The following RGS3 variants were observed in gnomAD, a reference collection of about 807,000 sequenced individuals.
RGS3 encodes regulator of G-protein signalling 3.
In RGS3, 80 loss-of-function variants were observed where a neutral mutation model predicts 132.6. The ratio of observed to expected loss-of-function variants is 0.60; its 90% CI spans 0.50 to 0.73. The LOEUF is 0.73. Among genes scored for constraint, RGS3 ranks in the 30% least tolerant of loss-of-function variants. The pLI is 0.00. For synonymous variants in RGS3, 598 were observed against 620.6 expected (o/e 0.96, Z 0.54); for missense variants, 1,382 against 1,530.8 (o/e 0.90, Z 1.62).
At chr9:113,501,508 G>A (rs1038408291) in intron 10 of RGS3, 1 of 1,531,960 alleles carries the variant, frequency 6.5e-7, no homozygotes, top group Non-Finnish European at 8.7e-7. Flanking sequence ...GACGGGTCCA[G>A]TGCGGGCTCC....
At position 113,591,720 on chromosome 9, in the gene RGS3, C is replaced by T. The variant is rs1297083114; in HGVS notation, c.3080+323C>T. The T allele has an allele frequency of 3.2e-6, 1 of 314,200 alleles. No individual in the cohort carries two copies. The highest frequency in any genetic ancestry group is 2.1e-5 in the African/African-American group (1 of 47,976). The allele number at this position is 314,200 out of a possible 1,614,324, so 19.5% of individuals were successfully genotyped here. ...CAGGGACCAAGTGACTTCAACAACT[C>T]CTTTGCTCCCTCTGGGCCCAAGAGT... On this transcript the variant is annotated intron_variant, in intron 21 of 24. Transcript: ENST00000350696. The surrounding 1 kb of genome is among the most constrained non-coding windows in gnomAD (Gnocchi z 4.4).
At chr9:113,481,554 C>T (rs373550786) in intron 4 of RGS3, among the ~76,000 whole-genome samples, 5 of 152,222 alleles carry the variant, frequency 3.3e-5, no homozygotes, top group African/African-American at 1.2e-4. Context: ...GGGCCTGACT[C>T]CAGCTGTGCA....
At chr9:113,499,439 T>C (rs1000398504) in intron 10 of RGS3, among the ~76,000 whole-genome samples, 3 of 152,254 alleles carry the variant, frequency 2.0e-5, no homozygotes, top group Admixed American at 6.5e-5. Flanking sequence ...GAGTGAGGGC[T>C]GGCCACCTTT....
exon 23 of RGS3, chr9:113,594,972 T>G: frequency 6.2e-7 from 1 of 1,614,114 alleles, no homozygotes; most frequent in Non-Finnish European, 8.5e-7. Context: ...AAGCTGCTGG[T>G]TCACAAATGT....
intron 10 of RGS3, among the ~76,000 whole-genome samples, chr9:113,499,460 G>A (rs186333022): frequency 6.6e-6 from 1 of 152,342 alleles, no homozygotes; most frequent in Non-Finnish European, 1.5e-5. Context: ...TCAGTGTGCT[G>A]TGGCACACTG....
chr9:113,508,910 T>C (rs911000589), intron 14 of RGS3, among the ~76,000 whole-genome samples: 1 of 152,130 alleles, frequency 6.6e-6, no homozygotes, highest in Non-Finnish European at 1.5e-5. Flanking sequence ...GGCAATGTGG[T>C]TGGGCTTGCA....
chr9:113,558,731 A>T (rs1833669161), intron 19 of RGS3, among the ~76,000 whole-genome samples: 2 of 152,184 alleles, frequency 1.3e-5, no homozygotes, highest in African/African-American at 4.8e-5. Context: ...ACTGCATGTG[A>T]TTTATTATGC....
At chr9:113,595,277 G>A (rs1223908311) in intron 23 of RGS3, among the ~76,000 whole-genome samples, 2 of 152,210 alleles carry the variant, frequency 1.3e-5, no homozygotes, top group Non-Finnish European at 2.9e-5. Flanking sequence ...ACGTACTGAG[G>A]GCTTTCACGG....
chr9:113,517,197 G>T, intron 15 of RGS3: 2 of 494,950 alleles, frequency 4.0e-6, no homozygotes, highest in Non-Finnish European at 7.9e-6. Flanking sequence ...GATGGCGGGG[G>T]CTGGGAGGGC....
chr9:113,529,859 G>T (rs1351360059), intron 18 of RGS3, among the ~76,000 whole-genome samples: 1 of 152,222 alleles, frequency 6.6e-6, no homozygotes, highest in Non-Finnish European at 1.5e-5. Context: ...AGGCAGTGCT[G>T]TGCCTTTGCT....
At chr9:113,583,204 T>C in intron 19 of RGS3, 3 of 640,744 alleles carry the variant, frequency 4.7e-6, no homozygotes, top group East Asian at 3.0e-5. Flanking sequence ...TGGTTATCTC[T>C]CCCTCTTCTC....
At chr9:113,558,822 C>G (rs1399049573) in intron 19 of RGS3, among the ~76,000 whole-genome samples, 1 of 152,212 alleles carries the variant, frequency 6.6e-6, no homozygotes, top group African/African-American at 2.4e-5. Flanking sequence ...GTGGCAATGT[C>G]AAGTTGAAGT....
intron 1 of RGS3, among the ~76,000 whole-genome samples, chr9:113,447,319 GTATGTATATGTATATATATA>G (rs1197534413): frequency 1.8e-4 from 4 of 21,886 alleles, no homozygotes; most frequent in Non-Finnish European, 4.2e-4. Context: ...AAATTCTGAT[GTATGTATATGTATATATATA>G]TATATATATA....
At chr9:113,581,560 A>G (rs1240108734) in intron 19 of RGS3, 1 of 152,246 alleles carries the variant, frequency 6.6e-6, no homozygotes, top group African/African-American at 2.4e-5. Flanking sequence ...CTTCTGTAGG[A>G]GCTTTCGAGC....
intron 16 of RGS3, among the ~76,000 whole-genome samples, chr9:113,521,547 C>T (rs1370933360): frequency 5.9e-5 from 9 of 152,138 alleles, no homozygotes; most frequent in African/African-American, 1.9e-4. Flanking sequence ...TTTTGATTTA[C>T]GATAGACAGA....
In RGS3 at chr9:113,594,416, G is replaced by C. The variant is rs1379754949; in HGVS notation, c.3081-14G>C. 1.9e-6 allele frequency: 3 copies of C among 1,613,082 alleles called. No homozygotes were observed. Among genetic ancestry groups the C allele is most frequent in the South Asian group, 2.2e-5 (2 of 90,984 alleles). ...GCCAGGCTGAGCAACCCTCTTTTCTGCTTCTGTCCCCAGAGCCAAGGACAT... is the reference window on the plus strand; with the variant it reads ...GCCAGGCTGAGCAACCCTCTTTTCTCCTTCTGTCCCCAGAGCCAAGGACAT... On this transcript the variant is annotated splice_polypyrimidine_tract_variant and intron_variant, in intron 21 of 24. Coordinates refer to ENST00000350696, the Ensembl canonical transcript of RGS3.
At chr9:113,452,990 AT>A (rs1351055432) in intron 1 of RGS3, among the ~76,000 whole-genome samples, 14 of 133,250 alleles carry the variant, frequency 1.1e-4, no homozygotes, top group Non-Finnish European at 2.0e-4. Context: ...ATAATATATA[AT>A]ATATAAATAT....
chr9:113,498,907 ACT>A (rs1355655013), intron 10 of RGS3, among the ~76,000 whole-genome samples: 6 of 128,798 alleles, frequency 4.7e-5, no homozygotes, highest in Non-Finnish European at 9.5e-5. Flanking sequence ...ACAGAGCAAG[ACT>A]CTGTCTCAAT....
intron 10 of RGS3, among the ~76,000 whole-genome samples, chr9:113,500,976 CA>C (rs1335891878): frequency 6.6e-6 from 1 of 152,184 alleles, no homozygotes; most frequent in Non-Finnish European, 1.5e-5. Context: ...AGGCATGAGC[CA>C]CCACGCCTGG....
Sources: allele counts gnomAD v4.1 joint callset (sites outside exome capture counted in the v4.1 genomes callset), GRCh38; gene constraint gnomAD v4.1.1; non-coding constraint Gnocchi (gnomAD v3.1); transcripts MANE v1.5; gene names NCBI Gene and HGNC (gene_info 2026-07-23, HGNC 2026-07-21).